Variants in KNTC1 observed in about 807,000 individuals in gnomAD.
The protein encoded by KNTC1 is kinetochore-associated protein 1.
KNTC1 carries 253 observed loss-of-function variants against 314.4 expected under a neutral mutation model. That is an observed-to-expected ratio of 0.80 (90% CI 0.73 to 0.89). The LOEUF (loss-of-function observed/expected upper bound fraction) is 0.89, where lower values mean the gene tolerates loss of function less well. KNTC1 is among the 40% of genes least tolerant of loss of function. KNTC1 has a pLI of 0.00. For synonymous variants in KNTC1, 901 were observed against 901.4 expected (o/e 1.00, Z 0.01); for missense variants, 2,475 against 2,572.9 (o/e 0.96, Z 0.82).
chr12:122,592,173 C>T (rs1221891560), intron 42 of KNTC1, among the ~76,000 whole-genome samples: 6 of 152,238 alleles, frequency 3.9e-5, no homozygotes, highest in South Asian at 2.1e-4. Context: ...CCCGGGCCAG[C>T]GGCTGCGGAG....
At chr12:122,564,134 C>T (rs987005729) in intron 20 of KNTC1, among the ~76,000 whole-genome samples, 3 of 152,180 alleles carry the variant, frequency 2.0e-5, no homozygotes, top group East Asian at 1.9e-4. Flanking sequence ...CCCGCCACCA[C>T]GCCTGGCTAA....
chr12:122,546,193 A>T lies in KNTC1; in HGVS notation c.687A>T (p.Ala229=), dbSNP rs1962748093. ...TTTTCCAGGGAACCGGTAATTGTGC[A>T]TTCTCAAAATGGGAACCAGATTCTT... is the stretch of plus-strand genomic sequence containing the variant. ...PVIIGGTGNC[A]FSKWEPDSSK... The change falls in exon 9 of 64, where the codon GCA becomes GCT. Residue 229 remains alanine (A), a synonymous_variant. Coordinates refer to ENST00000333479, the MANE Select transcript of KNTC1 (RefSeq NM_014708.6). The T allele has an allele frequency of 1.9e-6, 3 of 1,607,892 alleles. No homozygotes were observed. Among genetic ancestry groups the T allele is most frequent in the Non-Finnish European group, 2.6e-6 (3 of 1,174,630 alleles).
chr12:122,551,612 A>G lies in KNTC1; in HGVS notation c.1197-9A>G. ...AGCATTTAACAAAATTTCTCTTCCA[A>G]CTTAACAGATTGAGTCGGTTACTTC... On this transcript the variant is annotated splice_polypyrimidine_tract_variant and intron_variant, in intron 15 of 63. Coordinates refer to ENST00000333479, the MANE Select transcript of KNTC1 (RefSeq NM_014708.6). The G allele has an allele frequency of 5.0e-6, 8 of 1,613,276 alleles. No individual in the cohort carries two copies. The highest frequency in any genetic ancestry group is 3.3e-5 in the South Asian group (3 of 91,044).
intron 18 of KNTC1, 146 bp from the exon 19 acceptor site, chr12:122,561,775 A>T: frequency 1.7e-6 from 1 of 598,166 alleles, no homozygotes; most frequent in Non-Finnish European, 2.8e-6. Flanking sequence ...TTTAAAAAAC[A>T]TGTCAGTTCT....
At chr12:122,572,219 C>T (rs1342103827) in intron 24 of KNTC1, among the ~76,000 whole-genome samples, 1 of 151,932 alleles carries the variant, frequency 6.6e-6, no homozygotes, top group Non-Finnish European at 1.5e-5. Flanking sequence ...TGGTGAAACC[C>T]CATCCCTAGT....
At chr12:122,594,205 A>T in intron 42 of KNTC1, 71 bp from the exon 43 acceptor site, 1 of 831,010 alleles carries the variant, frequency 1.2e-6, no homozygotes, top group South Asian at 1.5e-5. Context: ...GCAAGTCATG[A>T]TGTTGCCCTT....
At chr12:122,593,581 A>G (rs894126901) in intron 42 of KNTC1, 4 of 151,588 alleles carry the variant, frequency 2.6e-5, no homozygotes, top group African/African-American at 4.8e-5. Flanking sequence ...TATTTTTGAC[A>G]TTGTAAAAGA....
chr12:122,538,627 C>G (rs960648735), intron 4 of KNTC1, among the ~76,000 whole-genome samples, 173 bp downstream of exon 4: 2 of 152,052 alleles, frequency 1.3e-5, no homozygotes. Context: ...TCTTGGCTCT[C>G]GTGTAAATAG....
At position 122,557,464 on chromosome 12, in the gene KNTC1, G is replaced by A. The variant is rs1565952795; in HGVS notation, c.1353G>A (p.Trp451Ter). The A allele has an allele frequency of 1.9e-6, 3 of 1,613,820 alleles. No individual in the cohort carries two copies. The highest frequency in any genetic ancestry group is 1.3e-5 in the African/African-American group (1 of 75,030). The change falls in exon 17 of 64, where the codon TGG becomes TGA. Residue 451 changes from tryptophan to a stop codon, truncating the protein, a stop_gained. Transcript: ENST00000333479. LOFTEE classifies it high-confidence loss of function. ...SSVDASEQTE[W>*]QQLVDDAKEN... is the part of the protein sequence containing the mutation. ...TGGATGCCAGTGAACAGACCGAATG[G>A]CAACAACTTGTAGACGACGCTAAGG...
Position 122,571,118 on chromosome 12 carries a change from A to G in KNTC1, c.2011A>G (p.Ile671Val). The G allele has an allele frequency of 1.2e-6, 2 of 1,611,570 alleles. No homozygotes were observed. Among genetic ancestry groups the G allele is most frequent in the Non-Finnish European group, 1.7e-6 (2 of 1,177,896 alleles). The change falls in exon 24 of 64, where the codon ATT (isoleucine) becomes GTT (valine). Residue 671 changes from isoleucine (I) to valine (V), a missense_variant. Physicochemically the swap from Ile to Val is conservative, Grantham distance 29. Transcript: ENST00000333479. ...GGGATTGGCATCTTCCTGGCATTGG[A>G]TTTCCTTGGTATGATGTGAGAATGG... ...ELGLASSWHW[I>V]SLKDYQNTEE...
At chr12:122,571,951 C>CATG (rs1167372123) in intron 24 of KNTC1, among the ~76,000 whole-genome samples, 2 of 151,998 alleles carry the variant, frequency 1.3e-5, no homozygotes. Context: ...GGATTACAGG[C>CATG]ATGAGCCACT....
In KNTC1 at chr12:122,620,607, A is replaced by G. The variant is rs1218247088; in HGVS notation, c.6278A>G (p.Lys2093Arg). ...TCAGAGAAAAGACACCAGCAAATTAAGGTATCGTGCACATGATTCCTCTGG... is the reference window on the plus strand; with the variant it reads ...TCAGAGAAAAGACACCAGCAAATTAGGGTATCGTGCACATGATTCCTCTGG... ...PHSEKRHQQI[K>R]NFLGSCDPQV... is the part of the protein sequence containing the mutation. Residue 2093 changes from lysine (K) to arginine (R), a missense_variant and splice_region_variant, in exon 60 of 64, where the codon AAG becomes AGG. By Grantham distance (26) the Lys-to-Arg change is conservative. Transcript: ENST00000333479. 7 of 1,612,950 alleles carry G rather than the reference A, an allele frequency of 4.3e-6. No individual in the cohort carries two copies. Among genetic ancestry groups the G allele is most frequent in the African/African-American group, 2.7e-5 (2 of 74,922 alleles).
intron 34 of KNTC1, among the ~76,000 whole-genome samples, 168 bp from the exon 35 acceptor site, chr12:122,584,110 C>A (rs1175885821): frequency 6.6e-6 from 1 of 152,136 alleles, no homozygotes; most frequent in Non-Finnish European, 1.5e-5. Flanking sequence ...GGCGATAGGG[C>A]TAGAGCCTGT....
Position 122,539,660 on chromosome 12 carries a change from A to C in KNTC1, c.367-16A>C. ...TCTATGTTTAATTTTATTATTTGAA[A>C]TTAATTTGCATTTAGGCATTTGTTC... On this transcript the variant is annotated splice_polypyrimidine_tract_variant and intron_variant, in intron 4 of 63. Coordinates refer to ENST00000333479, the MANE Select transcript of KNTC1 (RefSeq NM_014708.6). 1 of 1,498,142 alleles carries C rather than the reference A, an allele frequency of 6.7e-7. No individual in the cohort carries two copies. The highest frequency in any genetic ancestry group is 9.0e-7 in the Non-Finnish European group (1 of 1,112,086). The allele number at this position is 1,498,142 out of a possible 1,614,324, so 92.8% of individuals were successfully genotyped here. A position where few individuals can be genotyped will look rare whatever the true frequency, so the allele number is the denominator to read the frequency against.
In KNTC1 at chr12:122,601,630, A is replaced by G. The variant is rs2138109492; in HGVS notation, c.4653+5A>G. 6.7e-7 allele frequency: 1 copy of G among 1,491,218 alleles called. No individual in the cohort carries two copies. Among genetic ancestry groups the G allele is most frequent in the Non-Finnish European group, 8.9e-7 (1 of 1,121,328 alleles). The allele number at this position is 1,491,218 out of a possible 1,614,324, so 92.4% of individuals were successfully genotyped here. ...ACCAATATTAATATTAATCAGGTAT[A>G]ACAAATATATCAAAGATGTAAAAAT... On this transcript the variant is annotated splice_donor_5th_base_variant and intron_variant, in intron 45 of 63. Transcript: ENST00000333479.
chr12:122,604,413 C>G, intron 48 of KNTC1, 151 bp from the exon 49 acceptor site: 1 of 411,026 alleles, frequency 2.4e-6, no homozygotes, highest in South Asian at 3.2e-5. Flanking sequence ...TCCCAAAGTG[C>G]TGGGATTACA....
At chr12:122,548,683 A>G (rs11833424) in intron 12 of KNTC1, among the ~76,000 whole-genome samples, 11,519 of 151,936 alleles carry the variant, frequency 0.076, 569 homozygotes, top group Middle Eastern at 0.13. Context: ...TCATATAGTA[A>G]CAAGCTGGGT....
At position 122,603,109 on chromosome 12, in the gene KNTC1, A is replaced by G. The variant is rs1872158320; in HGVS notation, c.4967A>G (p.Gln1656Arg). 1 of 1,613,844 alleles carries G rather than the reference A, an allele frequency of 6.2e-7. No individual in the cohort carries two copies. The highest frequency in any genetic ancestry group is 1.7e-5 in the Admixed American group (1 of 60,014). Residue 1656 changes from glutamine to arginine, a missense_variant, in exon 48 of 64, where the codon CAA becomes CGA. Physicochemically the swap from Gln to Arg is conservative, Grantham distance 43. Coordinates refer to ENST00000333479, the MANE Select transcript of KNTC1 (RefSeq NM_014708.6). ...AAGCCAAAGCTCCTGAAGTTAACAC[A>G]AGCTAAATCCTCAACACTGATTAAC... ...KLKPKLLKLT[Q>R]AKSSTLINKE...
intron 52 of KNTC1, among the ~76,000 whole-genome samples, chr12:122,609,835 A>G (rs1164092425): frequency 1.3e-5 from 2 of 152,098 alleles, no homozygotes; most frequent in African/African-American, 4.8e-5. Context: ...AGGCACATTG[A>G]TTTTATCTAA....
Sources: allele counts gnomAD v4.1 joint callset (sites outside exome capture counted in the v4.1 genomes callset), GRCh38; gene constraint gnomAD v4.1.1; transcripts MANE v1.5; gene names NCBI Gene and HGNC (gene_info 2026-07-23, HGNC 2026-07-21).